Variants in PCDHGA1 observed in about 807,000 individuals in gnomAD.
The protein encoded by PCDHGA1 is protocadherin gamma-A1.
PCDHGA1 carries 32 observed loss-of-function variants against 58.0 expected under a neutral mutation model. The ratio of observed to expected loss-of-function variants is 0.55; its 90% confidence interval spans 0.42 to 0.74. The LOEUF (loss-of-function observed/expected upper bound fraction) is 0.74. PCDHGA1 is among the 30% of genes least tolerant of loss of function. The pLI is 0.00. For synonymous variants in PCDHGA1, 498 were observed against 501.1 expected, an observed-to-expected ratio of 0.99 and a Z score of 0.08; for missense variants, 1,205 against 1,182.3, an observed-to-expected ratio of 1.02 and a Z score of -0.28.
At position 141,505,394 on chromosome 5, in the gene PCDHGA1, T is replaced by C; in HGVS notation, c.2482T>C (p.Ser828Pro). 6.2e-7 allele frequency: 1 copy of C among 1,614,110 alleles called. No homozygotes were observed. The highest frequency in any genetic ancestry group is 8.5e-7 in the Non-Finnish European group (1 of 1,180,002). The part of the protein sequence containing the change: ...SQAQRPGTSG[S>P]QNGDDTGTWP... ...CTCACCATCCTACTCTCTCCCCAGC[T>C]CCCAAAATGGCGATGACACCGGCAC... Residue 828 changes from serine (S) to proline (P), a missense_variant and splice_region_variant, in exon 3 of 4, where the codon TCC becomes CCC. By Grantham distance (74) the Ser-to-Pro change is moderately conservative. Coordinates refer to ENST00000517417, the MANE Select transcript of PCDHGA1 (RefSeq NM_018912.3).
Position 141,413,628 on chromosome 5 carries a change from T to G in PCDHGA1, c.2421+80523T>G, listed in dbSNP as rs570797524. 4.3e-6 allele frequency: 7 copies of G among 1,613,878 alleles called. No homozygotes were observed. The African/African-American group carries it at 6.7e-5, about 15-fold the overall frequency. On this transcript the variant is annotated intron_variant, in intron 1 of 3. Coordinates refer to ENST00000517417, the MANE Select transcript of PCDHGA1 (RefSeq NM_018912.3). ...ACGTAAAAATTAATGAAAATGTCGC[T>G]GCGGGAATGCGTTTTCCTCTCCCGG...
intron 2 of PCDHGA1, among the ~76,000 whole-genome samples, chr5:141,495,685 T>TA (rs758775501): frequency 1.3e-5 from 2 of 152,210 alleles, no homozygotes; most frequent in African/African-American, 2.4e-5. Context: ...TGCCATGGCA[T>TA]AAGTGCTCAA....
Position 141,332,917 on chromosome 5 carries a change from G to A in PCDHGA1, c.2233G>A (p.Gly745Arg), listed in dbSNP as rs1561473867. Residue 745 changes from glycine (G) to arginine (R), a missense_variant, in exon 1 of 4, where the codon GGG becomes AGG. Coordinates refer to ENST00000517417, the MANE Select transcript of PCDHGA1 (RefSeq NM_018912.3). The surrounding 1 kb of genome is among the most constrained non-coding windows in gnomAD (Gnocchi z 4.6). ...CGGTTCGCACTTTGTGGGCGTGGAC[G>A]GGGTTCGGGCTTTCCTGCAGACCTA... ...MPGSHFVGVD[G>R]VRAFLQTYSH... 2 of 1,614,228 alleles carry A rather than the reference G, an allele frequency of 1.2e-6. No individual in the cohort carries two copies. The highest frequency in any genetic ancestry group is 8.5e-7 in the Non-Finnish European group (1 of 1,180,038).
At chr5:141,483,534 G>C (rs754118568) in intron 1 of PCDHGA1, among the ~76,000 whole-genome samples, 1 of 152,102 alleles carries the variant, frequency 6.6e-6, no homozygotes, top group Non-Finnish European at 1.5e-5. Flanking sequence ...AAGGAAGCTG[G>C]GTGGTTGACA....
chr5:141,476,071 T>A lies in PCDHGA1; in HGVS notation c.2422-18736T>A. On this transcript the variant is annotated intron_variant, in intron 1 of 3. Transcript: ENST00000517417. The surrounding 1 kb of genome is among the most constrained non-coding windows in gnomAD (Gnocchi z 7.6). ...CCGCTGAAAGTTTCTCAGCGAAATC[T>A]CAGGGACGATCTGGACCCCGCTGAG... 6.6e-7 allele frequency: 1 copy of A among 1,522,792 alleles called. No individual in the cohort carries two copies. The highest frequency in any genetic ancestry group is 8.8e-7 in the Non-Finnish European group (1 of 1,142,680). 94.3% of individuals were successfully genotyped at this position (1,522,792 alleles called of 1,614,324 possible).
At chr5:141,349,242 ATTT>A (rs11302014) in intron 1 of PCDHGA1, among the ~76,000 whole-genome samples, 3 of 151,700 alleles carry the variant, frequency 2.0e-5, no homozygotes, top group Admixed American at 2.0e-4. Context: ...GATAATTTTT[ATTT>A]TTTTTAGTAG....
At chr5:141,396,502 C>T (rs982229069) in intron 1 of PCDHGA1, 2 of 152,106 alleles carry the variant, frequency 1.3e-5, no homozygotes, top group African/African-American at 4.8e-5. Flanking sequence ...CGCCTGTGGT[C>T]CCAGCTACTC....
chr5:141,433,358 C>T (rs974347696), intron 1 of PCDHGA1: 20 of 503,934 alleles, frequency 4.0e-5, no homozygotes, highest in African/African-American at 3.1e-4. Flanking sequence ...CTACTGTCTG[C>T]CTATCTATCT....
Position 141,384,796 on chromosome 5 carries a change from C to A in PCDHGA1, c.2421+51691C>A, listed in dbSNP as rs1182973938. 1 of 1,613,330 alleles carries A rather than the reference C, an allele frequency of 6.2e-7. No homozygotes were observed. Among genetic ancestry groups the A allele is most frequent in the African/African-American group, 1.3e-5 (1 of 74,956 alleles). ...CGAGGTGCGCACGGCTCGGGCCCTG[C>A]TGGACAGAGATGCCCTCAAGCAGAG... is the stretch of plus-strand genomic sequence containing the variant. On this transcript the variant is annotated intron_variant, in intron 1 of 3. Coordinates refer to ENST00000517417, the MANE Select transcript of PCDHGA1 (RefSeq NM_018912.3).
At position 141,356,571 on chromosome 5, in the gene PCDHGA1, C is replaced by T. The variant is rs775921422; in HGVS notation, c.2421+23466C>T. The stretch of plus-strand genomic sequence containing the variant: ...CACCCACTTTCCCTCATGCTTCCTA[C>T]TCTGCTTACATTCCTGAAAACAACC... On this transcript the variant is annotated intron_variant, in intron 1 of 3. Coordinates refer to ENST00000517417, the MANE Select transcript of PCDHGA1 (RefSeq NM_018912.3). 5.0e-6 allele frequency: 8 copies of T among 1,614,186 alleles called. No individual in the cohort carries two copies. The East Asian group carries it at 8.9e-5, about 18-fold the overall frequency.
intron 1 of PCDHGA1, chr5:141,423,769 CATAT>C (rs2096780943): frequency 8.2e-7 from 1 of 1,219,458 alleles, no homozygotes; most frequent in South Asian, 2.2e-5. Context: ...GGTGGGGCGG[CATAT>C]ATTTAGTTCA....
Position 141,376,287 on chromosome 5 carries a change from T to C in PCDHGA1, c.2421+43182T>C, listed in dbSNP as rs1160372923. 6.2e-6 allele frequency: 10 copies of C among 1,614,110 alleles called. No individual in the cohort carries two copies. In the Admixed American group the frequency reaches 6.7e-5, roughly 11 times the overall value. On this transcript the variant is annotated intron_variant, in intron 1 of 3. Transcript: ENST00000517417. ...GCTTCGGGAGGTGGCTTAGCGAGCA[T>C]GCCCGGCTCGCACTTTGTGGGCGTG...
intron 1 of PCDHGA1, chr5:141,409,428 C>T (rs2095264686): frequency 6.2e-7 from 1 of 1,613,870 alleles, no homozygotes; most frequent in Admixed American, 1.7e-5. Context: ...ACAGATGGAG[C>T]CCTGGACCGA....
chr5:141,409,082 T>C (rs1332697516), intron 1 of PCDHGA1: 6 of 1,613,878 alleles, frequency 3.7e-6, no homozygotes, highest in African/African-American at 1.3e-5. Context: ...TATGTTCTCA[T>C]TGGATGAGAA....
chr5:141,486,148 G>A lies in PCDHGA1; in HGVS notation c.2422-8659G>A. On this transcript the variant is annotated intron_variant, in intron 1 of 3. Coordinates refer to ENST00000517417, the MANE Select transcript of PCDHGA1 (RefSeq NM_018912.3). This position sits in a 1 kb window ranked among gnomAD's most constrained non-coding sequence, Gnocchi z 5.0. ...AATTTGATGTGCGGGCTCGCGATGG[G>A]GGTTCTCCAGCCATGGAGCAACATT... 2 of 1,614,164 alleles carry A rather than the reference G, an allele frequency of 1.2e-6. No homozygotes were observed. The highest frequency in any genetic ancestry group is 1.7e-6 in the Non-Finnish European group (2 of 1,180,026).
At position 141,340,947 on chromosome 5, in the gene PCDHGA1, C is replaced by T. The variant is rs759610387; in HGVS notation, c.2421+7842C>T. 3.1e-6 allele frequency: 5 copies of T among 1,613,826 alleles called. No homozygotes were observed. The South Asian group carries it at 3.3e-5, about 11-fold the overall frequency. On this transcript the variant is annotated intron_variant, in intron 1 of 3. Coordinates refer to ENST00000517417, the MANE Select transcript of PCDHGA1 (RefSeq NM_018912.3). ...CAGCCCCCTCTCTCCGCCACTGTCA[C>T]GCTCACCGTGGCCGTGGCCGACAGG...
intron 2 of PCDHGA1, among the ~76,000 whole-genome samples, chr5:141,500,136 A>G (rs966215589): frequency 6.6e-6 from 1 of 151,606 alleles, no homozygotes; most frequent in African/African-American, 2.4e-5. Flanking sequence ...ATATCTTTCT[A>G]AACTTTTCTT....
At chr5:141,399,080 G>A (rs1385144710) in intron 1 of PCDHGA1, 2 of 1,613,696 alleles carry the variant, frequency 1.2e-6, no homozygotes, top group Non-Finnish European at 1.7e-6. Flanking sequence ...GTAGAAGGGA[G>A]GGATGGTGGT....
intron 1 of PCDHGA1, among the ~76,000 whole-genome samples, chr5:141,444,152 ATTTTTTTTTTTT>A (rs747671382): frequency 5.9e-4 from 20 of 33,896 alleles, no homozygotes; most frequent in African/African-American, 1.8e-3. Flanking sequence ...TGTGTACTGG[ATTTTTTTTTTTT>A]TTTTTTTTTT....
Sources: gnomAD v4.1 joint callset for allele counts (sites outside exome capture counted in the v4.1 genomes callset) on GRCh38, gnomAD v4.1.1 for gene constraint, Gnocchi (gnomAD v3.1) non-coding constraint, MANE v1.5 for transcripts, NCBI Gene and HGNC (gene_info 2026-07-23, HGNC 2026-07-21) for gene names.